Variants in ZNF804A observed in about 807,000 individuals in gnomAD.
The protein encoded by ZNF804A is zinc finger protein 804A.
A neutral mutation model predicts 16.5 loss-of-function variants in ZNF804A; 2 were observed. The ratio of observed to expected loss-of-function variants is 0.12; its 90% confidence interval spans 0.05 to 0.38. ZNF804A has a LOEUF of 0.38. ZNF804A is among the 10% of genes least tolerant of loss of function. The pLI, the probability that ZNF804A is intolerant of heterozygous loss-of-function variation, is 0.99. For synonymous variants in ZNF804A, 534 were observed against 489.6 expected (o/e 1.09, Z -1.20); for missense variants, 1,473 against 1,390.7 (o/e 1.06, Z -0.94).
At chr2:184,714,895 A>G (rs1349526205) in intron 1 of ZNF804A, among the ~76,000 whole-genome samples, 1 of 152,166 alleles carries the variant, frequency 6.6e-6, no homozygotes, top group Admixed American at 6.6e-5. Context: ...GACAGAGAGA[A>G]AGGAAATCTG....
intron 1 of ZNF804A, among the ~76,000 whole-genome samples, chr2:184,769,090 G>A (rs1694172969): frequency 6.6e-6 from 1 of 151,878 alleles, no homozygotes; most frequent in Admixed American, 6.6e-5. Context: ...TGTGTAGAGG[G>A]AAGGAATATT....
At chr2:184,880,243 A>T (rs1207053086) in intron 2 of ZNF804A, among the ~76,000 whole-genome samples, 1 of 152,110 alleles carries the variant, frequency 6.6e-6, no homozygotes, top group Non-Finnish European at 1.5e-5. Context: ...TTCAAAAAAA[A>T]TTAAGAATGG....
chr2:184,938,191 C>A lies in ZNF804A; in HGVS notation c.2795C>A (p.Thr932Asn). Residue 932 changes from threonine (T) to asparagine (N), a missense_variant, in exon 4 of 4, where the codon ACC becomes AAC. By Grantham distance (65) the Thr-to-Asn change is moderately conservative. Coordinates refer to ENST00000302277, the MANE Select transcript of ZNF804A (RefSeq NM_194250.2). ...CCAACAAAAGAAGCAATTGACAATA[C>A]CCTGCTTGAACACAAAGAAAGAAGT... ...SAPTKEAIDN[T>N]LLEHKERSEN... The A allele has an allele frequency of 6.2e-7, 1 of 1,614,058 alleles. No homozygotes were observed. Among genetic ancestry groups the A allele is most frequent in the Non-Finnish European group, 8.5e-7 (1 of 1,180,012 alleles).
intron 1 of ZNF804A, among the ~76,000 whole-genome samples, chr2:184,779,527 T>C (rs1694342124): frequency 2.0e-5 from 3 of 151,682 alleles, no homozygotes; most frequent in Non-Finnish European, 4.4e-5. Context: ...GCTGGTTAGC[T>C]GACATTAATA....
At chr2:184,824,705 T>C (rs1357567062) in intron 1 of ZNF804A, among the ~76,000 whole-genome samples, 1 of 152,126 alleles carries the variant, frequency 6.6e-6, no homozygotes, top group East Asian at 1.9e-4. Flanking sequence ...AAGGATACCG[T>C]GTGAATGGTT....
In ZNF804A at chr2:184,746,621, G is replaced by A. The variant is rs1314691459; in HGVS notation, c.112-119748G>A. Among the ~76,000 whole-genome samples the A allele has an allele frequency of 2.0e-5, 3 of 150,824 alleles. No individual in the cohort carries two copies. In the East Asian group the frequency reaches 5.8e-4, roughly 29 times the overall value. ...TTGTTGACTGTAATCACTCTGTTGT[G>A]CTATTAAATACTAGATCTCATTCAT... On this transcript the variant is annotated intron_variant, in intron 1 of 3. Transcript: ENST00000302277.
chr2:184,650,450 T>G (rs1378954221), intron 1 of ZNF804A, among the ~76,000 whole-genome samples: 1 of 152,054 alleles, frequency 6.6e-6, no homozygotes, highest in Non-Finnish European at 1.5e-5. Context: ...GTAGTGGAAG[T>G]GCTAGCCAGA....
chr2:184,832,072 T>G (rs1467113650), intron 1 of ZNF804A, among the ~76,000 whole-genome samples: 1 of 152,092 alleles, frequency 6.6e-6, no homozygotes, highest in East Asian at 1.9e-4. Context: ...TTTCAATGAT[T>G]ATAAATTCAT....
intron 1 of ZNF804A, among the ~76,000 whole-genome samples, chr2:184,684,185 T>C (rs1351382109): frequency 6.6e-6 from 1 of 152,242 alleles, no homozygotes; most frequent in Non-Finnish European, 1.5e-5. Context: ...GAGTTTGTAC[T>C]GGATACTTTT....
rs748196053 is a variant in ZNF804A at position 184,598,951 on chromosome 2, G to T, written c.-9G>T. The T allele has an allele frequency of 3.7e-5, 57 of 1,544,608 alleles. No homozygotes were observed. In the East Asian group the frequency reaches 1.5e-3, roughly 40 times the overall value. On this transcript the variant is annotated 5_prime_UTR_variant, in exon 1 of 4. Coordinates refer to ENST00000302277, the MANE Select transcript of ZNF804A (RefSeq NM_194250.2). ...CGGCGGCTGCGGCGGAGGAGGCGGCGGCTGCCCCATGGAGTGTTACTACAT... is the reference window on the plus strand; with the variant it reads ...CGGCGGCTGCGGCGGAGGAGGCGGCTGCTGCCCCATGGAGTGTTACTACAT...
rs866872542 is a variant in ZNF804A, at chr2:184,695,832, A to G, written c.111+96762A>G. The stretch of plus-strand genomic sequence containing the variant: ...TCTCTTTTAGGATTTATATATGTAT[A>G]TATATTTTTACTAATCATTGAGACT... On this transcript the variant is annotated intron_variant, in intron 1 of 3. Transcript: ENST00000302277. Among the ~76,000 whole-genome samples the G allele has an allele frequency of 3.3e-5, 5 of 152,260 alleles. No individual in the cohort carries two copies. The Middle Eastern group carries it at 0.01, about 311-fold the overall frequency.
At chr2:184,822,521 T>C (rs1242593548) in intron 1 of ZNF804A, among the ~76,000 whole-genome samples, 1 of 152,076 alleles carries the variant, frequency 6.6e-6, no homozygotes, top group Non-Finnish European at 1.5e-5. Context: ...GAATTTAAAA[T>C]AAAAGTTGAA....
intron 1 of ZNF804A, among the ~76,000 whole-genome samples, chr2:184,644,089 A>T (rs537151575): frequency 6.6e-6 from 1 of 151,888 alleles, no homozygotes; most frequent in African/African-American, 2.4e-5. Flanking sequence ...TTTATTGAAG[A>T]GTGTAGGATG....
intron 1 of ZNF804A, among the ~76,000 whole-genome samples, chr2:184,674,208 T>G (rs1489025864): frequency 6.6e-6 from 1 of 152,044 alleles, no homozygotes; most frequent in Non-Finnish European, 1.5e-5. Flanking sequence ...TTAAAAAATA[T>G]TAAATATTAC....
intron 1 of ZNF804A, among the ~76,000 whole-genome samples, chr2:184,731,795 G>A (rs541825549): frequency 9.9e-5 from 15 of 151,906 alleles, no homozygotes; most frequent in Middle Eastern, 3.4e-3. Context: ...GGCTGATCTC[G>A]AACTTTTGGT....
intron 1 of ZNF804A, among the ~76,000 whole-genome samples, chr2:184,760,440 A>C (rs1002621578): frequency 2.0e-5 from 3 of 152,166 alleles, no homozygotes; most frequent in Admixed American, 6.6e-5. Flanking sequence ...TTTCACTTTG[A>C]AAATAATCTG....
At chr2:184,877,694 C>T (rs752420644) in intron 2 of ZNF804A, among the ~76,000 whole-genome samples, 1 of 151,934 alleles carries the variant, frequency 6.6e-6, no homozygotes, top group Non-Finnish European at 1.5e-5. Context: ...GTCCATGCTA[C>T]CTTCTTTCTT....
chr2:184,754,218 A>G (rs892273093), intron 1 of ZNF804A, among the ~76,000 whole-genome samples: 1 of 151,910 alleles, frequency 6.6e-6, no homozygotes, highest in African/African-American at 2.4e-5. Flanking sequence ...CTGGACGAAG[A>G]CACTATTGAC....
intron 1 of ZNF804A, among the ~76,000 whole-genome samples, chr2:184,639,113 A>C (rs1574142283): frequency 2.7e-5 from 3 of 109,864 alleles, no homozygotes; most frequent in Non-Finnish European, 3.5e-5. Flanking sequence ...TCACTTTTTC[A>C]CCCAGGCTGG....
Sources: allele counts gnomAD v4.1 joint callset (sites outside exome capture counted in the v4.1 genomes callset), GRCh38; gene constraint gnomAD v4.1.1; transcripts MANE v1.5; gene names NCBI Gene and HGNC (gene_info 2026-07-23, HGNC 2026-07-21).